The following SPRING1 variants were observed in gnomAD, a reference collection of about 807,000 sequenced individuals.
The protein encoded by SPRING1 is SREBP regulating gene protein.
In SPRING1, 14 loss-of-function variants were observed where a neutral mutation model predicts 24.7. That is an observed-to-expected ratio of 0.57 (90% CI 0.37 to 0.88). SPRING1 has a LOEUF of 0.88. Among genes scored for constraint, SPRING1 ranks in the 40% least tolerant of loss-of-function variants. SPRING1 has a pLI of 0.00. For missense variants in SPRING1, 255 were observed against 268.4 expected (o/e 0.95, Z 0.35); for synonymous variants, 93 against 106.1 (o/e 0.88, Z 0.76).
rs1245971713 is a variant in SPRING1, at chr12:116,714,920, T to G, written c.*2890A>C. The G allele has an allele frequency of 6.6e-6, 1 of 152,010 alleles. No individual in the cohort carries two copies. Among genetic ancestry groups the G allele is most frequent in the Non-Finnish European group, 1.5e-5 (1 of 68,014 alleles). 9.4% of individuals were successfully genotyped at this position (152,010 alleles called of 1,614,324 possible). On this transcript the variant is annotated 3_prime_UTR_variant, in exon 5 of 5. Coordinates refer to ENST00000261318, the MANE Select transcript of SPRING1 (RefSeq NM_024738.4). ...TTTCACAGTCTCTTGTGTGCTTCTTTCCCTGTTAGGACCAATCTTTACAAC... is the reference window on the plus strand; with the variant it reads ...TTTCACAGTCTCTTGTGTGCTTCTTGCCCTGTTAGGACCAATCTTTACAAC...
chr12:116,733,759 C>T (rs899806257), intron 1 of SPRING1, among the ~76,000 whole-genome samples: 1 of 152,192 alleles, frequency 6.6e-6, no homozygotes, highest in African/African-American at 2.4e-5. Flanking sequence ...GACAGTAGTA[C>T]ACAGTAATGT....
chr12:116,718,343 T>C (rs1392240650), intron 4 of SPRING1, among the ~76,000 whole-genome samples: 1 of 152,320 alleles, frequency 6.6e-6, no homozygotes, highest in East Asian at 1.9e-4. Flanking sequence ...ACCTAAAAAT[T>C]TGGGGCATGA....
At position 116,710,942 on chromosome 12, in the gene SPRING1, A is replaced by C; in HGVS notation, c.*6868T>G. ...CGGAGAGGGTAATTTACTCAAGGTC[A>C]TTAAGGTCAGTGCTCTTGTCAATAA... On this transcript the variant is annotated 3_prime_UTR_variant, in exon 5 of 5. Coordinates refer to ENST00000261318, the MANE Select transcript of SPRING1 (RefSeq NM_024738.4). 1 of 152,062 alleles carries C rather than the reference A, an allele frequency of 6.6e-6. No individual in the cohort carries two copies. Among genetic ancestry groups the C allele is most frequent in the East Asian group, 1.9e-4 (1 of 5,186 alleles). The allele number at this position is 152,062 out of a possible 1,614,324, so 9.4% of individuals were successfully genotyped here.
At chr12:116,734,632 A>C (rs989554326) in intron 1 of SPRING1, among the ~76,000 whole-genome samples, 6 of 152,224 alleles carry the variant, frequency 3.9e-5, no homozygotes, top group Non-Finnish European at 5.9e-5. Flanking sequence ...AACAAGACAG[A>C]CAAGGTCTCT....
At chr12:116,726,931 C>CA (rs1870724391) in intron 1 of SPRING1, among the ~76,000 whole-genome samples, 1 of 152,218 alleles carries the variant, frequency 6.6e-6, no homozygotes, top group African/African-American at 2.4e-5. Context: ...GCAATTCTCC[C>CA]AGCACTTCAA....
rs1407737224 is a variant in SPRING1, at chr12:116,713,285, C to T, written c.*4525G>A. The stretch of plus-strand genomic sequence containing the variant: ...AATATGTGAGCTTAGTTGTTTCTAA[C>T]ACAGGGCTGAAAAACAAGAGAAGGG... On this transcript the variant is annotated 3_prime_UTR_variant, in exon 5 of 5. Coordinates refer to ENST00000261318, the MANE Select transcript of SPRING1 (RefSeq NM_024738.4). 6.6e-6 allele frequency: 1 copy of T among 152,194 alleles called. No individual in the cohort carries two copies. The highest frequency in any genetic ancestry group is 1.5e-5 in the Non-Finnish European group (1 of 68,040). The allele number at this position is 152,194 out of a possible 1,614,324, so 9.4% of individuals were successfully genotyped here.
At position 116,713,668 on chromosome 12, in the gene SPRING1, G is replaced by C. The variant is rs896476367; in HGVS notation, c.*4142C>G. The C allele has an allele frequency of 2.0e-5, 3 of 152,298 alleles. No individual in the cohort carries two copies. In the East Asian group the frequency reaches 5.8e-4, roughly 29 times the overall value. 9.4% of individuals were successfully genotyped at this position (152,298 alleles called of 1,614,324 possible). On this transcript the variant is annotated 3_prime_UTR_variant, in exon 5 of 5. Coordinates refer to ENST00000261318, the MANE Select transcript of SPRING1 (RefSeq NM_024738.4). ...GTAGCAAAAACAACAAGCAGCCTTG[G>C]AAACCAGTTAATGTCCTCAGCAGGG...
chr12:116,726,317 T>A (rs1870685406), intron 1 of SPRING1, among the ~76,000 whole-genome samples: 1 of 152,254 alleles, frequency 6.6e-6, no homozygotes, highest in Non-Finnish European at 1.5e-5. Flanking sequence ...TAGTGCCAAA[T>A]AATGTCCCAC....
rs1870131077 is a variant in SPRING1 at position 116,716,366 on chromosome 12, C to A, written c.*1444G>T. On this transcript the variant is annotated 3_prime_UTR_variant, in exon 5 of 5. Coordinates refer to ENST00000261318, the MANE Select transcript of SPRING1 (RefSeq NM_024738.4). Reference sequence around the variant, plus strand: ...AAAGAAAAAGCTCCACTGAAAAAAACATTGAATACTGACCACAGAATTAGC... The same window carrying A: ...AAAGAAAAAGCTCCACTGAAAAAAAAATTGAATACTGACCACAGAATTAGC... The A allele has an allele frequency of 6.6e-6, 1 of 152,146 alleles. No individual in the cohort carries two copies. Among genetic ancestry groups the A allele is most frequent in the African/African-American group, 2.4e-5 (1 of 41,426 alleles). 9.4% of individuals were successfully genotyped at this position (152,146 alleles called of 1,614,324 possible).
chr12:116,719,826 G>C lies in SPRING1; in HGVS notation c.471C>G (p.Asn157Lys). The change falls in exon 4 of 5, where the codon AAC becomes AAG. Residue 157 changes from asparagine (N) to lysine (K), a missense_variant. Transcript: ENST00000261318. ...AGTGATCTTCGACTGCCATGAAGAG[G>C]TTCTGGAATGCCACGGCTGCCCGGT... ...FLNRAAVAFQNLFMAVEDHFE... is the reference protein window; with the variant it reads ...FLNRAAVAFQKLFMAVEDHFE... 6.2e-7 allele frequency: 1 copy of C among 1,614,236 alleles called. No homozygotes were observed.
intron 1 of SPRING1, among the ~76,000 whole-genome samples, chr12:116,733,019 G>T (rs1375502473): frequency 6.6e-6 from 1 of 152,160 alleles, no homozygotes; most frequent in Non-Finnish European, 1.5e-5. Flanking sequence ...ACTAGTCAGG[G>T]AAATATACAG....
rs368352995 is a variant in SPRING1 at position 116,715,950 on chromosome 12, C to T, written c.*1860G>A. 6.6e-6 allele frequency: 1 copy of T among 151,784 alleles called. No individual in the cohort carries two copies. Among genetic ancestry groups the T allele is most frequent in the African/African-American group, 2.4e-5 (1 of 41,432 alleles). The allele number at this position is 151,784 out of a possible 1,614,324, so 9.4% of individuals were successfully genotyped here. ...GCTGCCCTTTGGTATAAACTGTTCA[C>T]ATTAAATCTATGTTATGTTGCTCAA... On this transcript the variant is annotated 3_prime_UTR_variant, in exon 5 of 5. Coordinates refer to ENST00000261318, the MANE Select transcript of SPRING1 (RefSeq NM_024738.4).
At position 116,713,457 on chromosome 12, in the gene SPRING1, T is replaced by C. The variant is rs1869959673; in HGVS notation, c.*4353A>G. ...GGAATGGGGCTCATTCTGCTGGAAA[T>C]TAAATACATTCAAACAAGAACAGAG... On this transcript the variant is annotated 3_prime_UTR_variant, in exon 5 of 5. Transcript: ENST00000261318. The C allele has an allele frequency of 2.0e-5, 3 of 152,170 alleles. No homozygotes were observed. In the South Asian group the frequency reaches 6.2e-4, roughly 31 times the overall value. 9.4% of individuals were successfully genotyped at this position (152,170 alleles called of 1,614,324 possible).
rs532757180 is a variant in SPRING1, at chr12:116,737,771, G to A, written c.111+19C>T. On this transcript the variant is annotated intron_variant, in intron 1 of 4. Transcript: ENST00000261318. The stretch of plus-strand genomic sequence containing the variant: ...GGAAGGAAGAAGGGAAGGGGAGGAG[G>A]GGAAGGGCGGCCACTGACCTGCTTG... 9.0e-6 allele frequency: 14 copies of A among 1,550,488 alleles called. No individual in the cohort carries two copies. In the East Asian group the frequency reaches 3.7e-4, roughly 40 times the overall value.
At chr12:116,719,637 G>T in intron 4 of SPRING1, 126 bp downstream of exon 4, 1 of 705,360 alleles carries the variant, frequency 1.4e-6, no homozygotes. Flanking sequence ...ACCAAACAAA[G>T]CGTGACACGG....
At position 116,737,793 on chromosome 12, in the gene SPRING1, C is replaced by T. The variant is rs1566064171; in HGVS notation, c.108G>A (p.Lys36=). The part of the protein sequence containing the change: ...SLVYFLSSTF[K]QEERAVRDRN... ...GAGGGGAAGGGCGGCCACTGACCTG[C>T]TTGAAGGTGCTGCTGAGGAAGTAGA... Residue 36 remains lysine, a synonymous_variant, in exon 1 of 5, where the codon AAG becomes AAA. Coordinates refer to ENST00000261318, the MANE Select transcript of SPRING1 (RefSeq NM_024738.4). 1.9e-6 allele frequency: 3 copies of T among 1,584,850 alleles called. No individual in the cohort carries two copies. Among genetic ancestry groups the T allele is most frequent in the Admixed American group, 3.5e-5 (2 of 57,938 alleles).
intron 2 of SPRING1, among the ~76,000 whole-genome samples, chr12:116,722,035 C>T (rs1870459205): frequency 6.6e-6 from 1 of 152,174 alleles, no homozygotes; most frequent in Non-Finnish European, 1.5e-5. Context: ...TACTGTGTTG[C>T]TATTGCCTTG....
At chr12:116,730,389 A>G (rs1180689097) in intron 1 of SPRING1, among the ~76,000 whole-genome samples, 1 of 151,770 alleles carries the variant, frequency 6.6e-6, no homozygotes, top group Non-Finnish European at 1.5e-5. Flanking sequence ...TTTTTAGTAG[A>G]AACAGGGTTT....
intron 1 of SPRING1, among the ~76,000 whole-genome samples, chr12:116,724,239 G>A (rs1021690185): frequency 4.6e-5 from 7 of 152,108 alleles, no homozygotes; most frequent in Non-Finnish European, 5.9e-5. Flanking sequence ...CTTAAAAAAT[G>A]GTAAAGATCT....
Sources: gnomAD v4.1 joint callset for allele counts (sites outside exome capture counted in the v4.1 genomes callset) on GRCh38, gnomAD v4.1.1 for gene constraint, MANE v1.5 for transcripts, NCBI Gene and HGNC (gene_info 2026-07-23, HGNC 2026-07-21) for gene names.